ATP8A2: variants seen among roughly 807,000 people sequenced by gnomAD.
ATP8A2 encodes the protein ATPase phospholipid transporting 8A2.
Under a neutral mutation model 165.6 loss-of-function variants are expected in ATP8A2, and 100 were observed. The ratio of observed to expected loss-of-function variants is 0.60; its 90% confidence interval spans 0.51 to 0.71. The LOEUF is 0.71. Ranked by LOEUF, ATP8A2 falls within the 30% of genes least tolerant of loss-of-function variation. ATP8A2 has a pLI of 0.00. For missense variants in ATP8A2, 1,227 were observed against 1,479.5 expected (o/e 0.83, Z 2.80); for synonymous variants, 543 against 548.8 (o/e 0.99, Z 0.15).
intron 33 of ATP8A2, among the ~76,000 whole-genome samples, chr13:25,909,249 T>C (rs1260362078): frequency 1.3e-5 from 2 of 152,154 alleles, no homozygotes; most frequent in African/African-American, 4.8e-5. Flanking sequence ...GTATTATATA[T>C]CTCAAAATAC....
At chr13:25,452,144 T>C (rs773110545) in intron 1 of ATP8A2, among the ~76,000 whole-genome samples, 10 of 152,152 alleles carry the variant, frequency 6.6e-5, no homozygotes, top group Non-Finnish European at 1.3e-4. Flanking sequence ...TGAGCCACCG[T>C]GCCTGGCCTA....
At chr13:25,648,562 T>A (rs4500575) in intron 24 of ATP8A2, among the ~76,000 whole-genome samples, 2 of 152,154 alleles carry the variant, frequency 1.3e-5, no homozygotes, top group African/African-American at 2.4e-5. Context: ...TACTTGGGAG[T>A]CTGAGGCAGG....
rs142778528 is a variant in ATP8A2, at chr13:26,024,319, A to AT, written c.*4343dup. ...GCTCGATGTGTTGTACCCTTCATTT[A>AT]TTTTTTTTTCTCAGCATCCCAAGTT... is the stretch of plus-strand genomic sequence containing the variant. On this transcript the variant is annotated 3_prime_UTR_variant, in exon 37 of 37. Transcript: ENST00000381655. 8.7e-3 allele frequency: 1,310 copies of AT among 151,392 alleles called. 10 individuals are homozygous for AT. Among genetic ancestry groups the AT allele is most frequent in the Non-Finnish European group, 0.014 (924 of 67,804 alleles). 9.4% of individuals were successfully genotyped at this position (151,392 alleles called of 1,614,324 possible). A position where few individuals can be genotyped will look rare whatever the true frequency, so the allele number is the denominator to read the frequency against.
At chr13:26,011,493 T>G (rs1429875357) in intron 35 of ATP8A2, among the ~76,000 whole-genome samples, 2 of 152,160 alleles carry the variant, frequency 1.3e-5, no homozygotes, top group African/African-American at 4.8e-5. Flanking sequence ...CATGTGAATT[T>G]AGAGGGGACA....
chr13:25,509,318 T>C lies in ATP8A2; in HGVS notation c.222-20681T>C, dbSNP rs1473878333. Reference sequence around the variant, plus strand: ...AATTTACATGACATATATTGATAAGTTGTGGAGCTGAAAGAAGCTTTACCA... The same window carrying C: ...AATTTACATGACATATATTGATAAGCTGTGGAGCTGAAAGAAGCTTTACCA... On this transcript the variant is annotated intron_variant, in intron 2 of 36. Coordinates refer to ENST00000381655, the MANE Select transcript of ATP8A2 (RefSeq NM_016529.6). Among the ~76,000 whole-genome samples the C allele has an allele frequency of 2.0e-5, 3 of 152,274 alleles. No homozygotes were observed. In the East Asian group the frequency reaches 5.8e-4, roughly 29 times the overall value.
intron 35 of ATP8A2, among the ~76,000 whole-genome samples, chr13:25,970,936 C>T (rs766252013): frequency 3.4e-4 from 51 of 152,048 alleles, no homozygotes; most frequent in Non-Finnish European, 6.2e-4. Context: ...GGTTTCCTAC[C>T]GTCTACATTT....
Position 25,452,741 on chromosome 13 carries a change from A to G in ATP8A2, c.77-16236A>G, listed in dbSNP as rs115029824. On this transcript the variant is annotated intron_variant, in intron 1 of 36. Transcript: ENST00000381655. ...GGTTGAGGCTTGAAAATGCAACTTT[A>G]AACTTTTGAAATTAAACGTTTAATT... Among the ~76,000 whole-genome samples, 1,309 of 152,278 alleles carry G rather than the reference A, an allele frequency of 8.6e-3. 22 individuals are homozygous for G. Among genetic ancestry groups the G allele is most frequent in the African/African-American group, 0.029 (1,213 of 41,548 alleles).
intron 35 of ATP8A2, among the ~76,000 whole-genome samples, chr13:25,983,423 C>T (rs1956211046): frequency 6.6e-6 from 1 of 152,100 alleles, no homozygotes; most frequent in African/African-American, 2.4e-5. Context: ...TTCTACAAAC[C>T]ATTAACCATT....
intron 35 of ATP8A2, among the ~76,000 whole-genome samples, chr13:26,005,287 T>G (rs757684456): frequency 2.6e-5 from 4 of 152,084 alleles, no homozygotes; most frequent in Non-Finnish European, 5.9e-5. Flanking sequence ...GTGGTATCTG[T>G]TATAGTGTCT....
intron 33 of ATP8A2, among the ~76,000 whole-genome samples, chr13:25,959,614 A>G (rs146287505): frequency 0.011 from 1,694 of 152,332 alleles, 14 homozygotes; most frequent in Non-Finnish European, 0.016. Context: ...CCTTTCCCAC[A>G]ACCACCATGA....
intron 33 of ATP8A2, among the ~76,000 whole-genome samples, chr13:25,916,735 A>G (rs1954278308): frequency 6.6e-6 from 1 of 152,154 alleles, no homozygotes; most frequent in South Asian, 2.1e-4. Flanking sequence ...CTCCTAACCC[A>G]TCATCATTTT....
At chr13:25,969,456 A>G (rs371362076) in intron 35 of ATP8A2, among the ~76,000 whole-genome samples, 2 of 152,244 alleles carry the variant, frequency 1.3e-5, no homozygotes, top group African/African-American at 4.8e-5. Context: ...CAGCTCTCCT[A>G]TAAATGCTTA....
chr13:25,842,596 C>T (rs767539634), intron 30 of ATP8A2, among the ~76,000 whole-genome samples: 1 of 151,522 alleles, frequency 6.6e-6, no homozygotes, highest in Non-Finnish European at 1.5e-5. Flanking sequence ...CGCTTGAACC[C>T]GGGAGGTGGA....
chr13:25,465,730 TCTTTCTTTCCCTCCCTCCCTCTCTCTCTC>T (rs1566153495), intron 1 of ATP8A2, among the ~76,000 whole-genome samples: 102 of 76,598 alleles, frequency 1.3e-3, no homozygotes, highest in Middle Eastern at 4.9e-3. Flanking sequence ...TTTCTTTCTT[TCTTTCTTTCCCTCCCTCCCTCTCTCTCTC>T]TCTTTCTCTC....
At chr13:25,474,454 C>T (rs543319358) in intron 2 of ATP8A2, among the ~76,000 whole-genome samples, 37 of 151,404 alleles carry the variant, frequency 2.4e-4, no homozygotes, top group African/African-American at 8.5e-4. Flanking sequence ...CCCAGCTACT[C>T]GGGAGGTTGA....
intron 2 of ATP8A2, among the ~76,000 whole-genome samples, chr13:25,491,096 CA>C (rs2036515820): frequency 6.6e-6 from 1 of 152,068 alleles, no homozygotes; most frequent in South Asian, 2.1e-4. Flanking sequence ...ATAAAATATA[CA>C]CACATATATT....
rs187747499 is a variant in ATP8A2, at chr13:25,610,952, C to T, written c.2211+21253C>T. On this transcript the variant is annotated intron_variant, in intron 24 of 36. Coordinates refer to ENST00000381655, the MANE Select transcript of ATP8A2 (RefSeq NM_016529.6). ...CTTGATTTGATTCTCACCTTAGTCG[C>T]TGTTGGTGTATAGAAGAACTACTGA... Among the ~76,000 whole-genome samples, 582 of 144,934 alleles carry T rather than the reference C, an allele frequency of 4.0e-3. 5 individuals carry two copies. The highest frequency in any genetic ancestry group is 6.7e-3 in the Non-Finnish European group (447 of 66,942).
intron 1 of ATP8A2, among the ~76,000 whole-genome samples, chr13:25,466,091 A>G (rs939957995): frequency 3.9e-5 from 6 of 152,102 alleles, no homozygotes; most frequent in Non-Finnish European, 8.8e-5. Context: ...TCACTGCCAG[A>G]TGCTCTTCTC....
chr13:25,753,483 T>C (rs920795472), intron 25 of ATP8A2, among the ~76,000 whole-genome samples: 6 of 152,192 alleles, frequency 3.9e-5, no homozygotes, highest in Non-Finnish European at 7.3e-5. Context: ...AGAATCTCAT[T>C]CTAGTGCGGT....
Sources: gnomAD v4.1 joint callset for allele counts (sites outside exome capture counted in the v4.1 genomes callset) on GRCh38, gnomAD v4.1.1 for gene constraint, MANE v1.5 for transcripts, NCBI Gene and HGNC (gene_info 2026-07-23, HGNC 2026-07-21) for gene names.